The following CRTC1 variants were observed in gnomAD, a reference collection of about 807,000 sequenced individuals.
CRTC1 encodes CREB-regulated transcription coactivator 1.
Under a neutral mutation model 66.1 loss-of-function variants are expected in CRTC1, and 18 were observed. The observed-to-expected ratio is 0.27, with a 90% CI of 0.19 to 0.40. The LOEUF (loss-of-function observed/expected upper bound fraction) is 0.40. Ranked by LOEUF, CRTC1 falls within the 10% of genes least tolerant of loss-of-function variation. The pLI, the probability that CRTC1 is intolerant of heterozygous loss-of-function variation, is 1.00. For synonymous variants in CRTC1, 416 were observed against 398.8 expected (o/e 1.04, Z -0.51); for missense variants, 669 against 887.9 (o/e 0.75, Z 3.13).
rs1170014638 is a variant in CRTC1 at position 18,781,243 on chromosome 19, C to G, written c.*3861C>G. On this transcript the variant is annotated 3_prime_UTR_variant, in exon 14 of 14. Transcript: ENST00000321949. ...CAGGGCGTGCGGGCGCCAGAGCCTT[C>G]CCTACACAGCCTAAGAGCAGGGGCA... 2 of 227,618 alleles carry G rather than the reference C, an allele frequency of 8.8e-6. No individual in the cohort carries two copies. The highest frequency in any genetic ancestry group is 2.2e-5 in the African/African-American group (1 of 44,938). 14.1% of individuals were successfully genotyped at this position (227,618 alleles called of 1,614,324 possible).
At position 18,777,332 on chromosome 19, in the gene CRTC1, G is replaced by T; in HGVS notation, c.1855G>T (p.Val619Phe). 1 of 1,609,618 alleles carries T rather than the reference G, an allele frequency of 6.2e-7. No individual in the cohort carries two copies. The highest frequency in any genetic ancestry group is 8.5e-7 in the Non-Finnish European group (1 of 1,179,946). The change falls in exon 14 of 14, where the codon GTT (valine) becomes TTT (phenylalanine). Residue 619 changes from valine (V) to phenylalanine (F), a missense_variant. Coordinates refer to ENST00000321949, the MANE Select transcript of CRTC1 (RefSeq NM_015321.3). This position sits in a 1 kb window ranked among gnomAD's most constrained non-coding sequence, Gnocchi z 5.5. The stretch of plus-strand genomic sequence containing the variant: ...GCACATGCTCAACGACCCCGACATG[G>T]TTCTGGCCGACCCAGCCACCGAGGA... ...GLHMLNDPDMVLADPATEDTF... is the reference protein window; with the variant it reads ...GLHMLNDPDMFLADPATEDTF...
rs2054589469 is a variant in CRTC1 at position 18,760,491 on chromosome 19, C to T, written c.886+263C>T. ...GGTGTGTGATGGTGCTTTGGGGAGT[C>T]CAGGAGGGAAGCCCTGGGAGTTTTA... On this transcript the variant is annotated intron_variant, in intron 8 of 13. Coordinates refer to ENST00000321949, the MANE Select transcript of CRTC1 (RefSeq NM_015321.3). The surrounding 1 kb of genome is among the most constrained non-coding windows in gnomAD (Gnocchi z 6.2). Among the ~76,000 whole-genome samples, 1 of 152,004 alleles carries T rather than the reference C, an allele frequency of 6.6e-6. No homozygotes were observed. Among genetic ancestry groups the T allele is most frequent in the Non-Finnish European group, 1.5e-5 (1 of 67,958 alleles).
chr19:18,745,550 G>A (rs1024742097), intron 2 of CRTC1, among the ~76,000 whole-genome samples: 6 of 152,156 alleles, frequency 3.9e-5, no homozygotes, highest in Admixed American at 1.3e-4. Context: ...AGCTTGTGCC[G>A]CTCTGCCTGG....
At chr19:18,746,156 G>A (rs2054231199) in intron 3 of CRTC1, among the ~76,000 whole-genome samples, 196 bp downstream of exon 3, 1 of 152,166 alleles carries the variant, frequency 6.6e-6, no homozygotes, top group Non-Finnish European at 1.5e-5. Context: ...ACAAGCCCTG[G>A]AGCCTTTGGC....
chr19:18,693,993 A>G (rs866164669), intron 1 of CRTC1, among the ~76,000 whole-genome samples: 7 of 152,148 alleles, frequency 4.6e-5, no homozygotes, highest in Admixed American at 1.3e-4. Flanking sequence ...TTAGCTGGGC[A>G]TGGTGGCGGG....
chr19:18,760,318 C>A lies in CRTC1; in HGVS notation c.886+90C>A. On this transcript the variant is annotated intron_variant, in intron 8 of 13. Coordinates refer to ENST00000321949, the MANE Select transcript of CRTC1 (RefSeq NM_015321.3). The surrounding 1 kb of genome is among the most constrained non-coding windows in gnomAD (Gnocchi z 6.2). Reference sequence around the variant, plus strand: ...AGGATGACTTGGCAGAGTCCCGTTCCAAATACTAGGGCATGGGGGACAGGG... The same window carrying A: ...AGGATGACTTGGCAGAGTCCCGTTCAAAATACTAGGGCATGGGGGACAGGG... 2 of 1,125,884 alleles carry A rather than the reference C, an allele frequency of 1.8e-6. No individual in the cohort carries two copies. The highest frequency in any genetic ancestry group is 2.5e-6 in the Non-Finnish European group (2 of 784,706). The allele number at this position is 1,125,884 out of a possible 1,614,324, so 69.7% of individuals were successfully genotyped here.
rs1264313687 is a variant in CRTC1, at chr19:18,745,754, C to T, written c.244-69C>T. Reference sequence around the variant, plus strand: ...CCCTGCGATCAGACTCTGGGGCCAGCGCTGGGGCCACAGCTGGTAACCATT... The same window carrying T: ...CCCTGCGATCAGACTCTGGGGCCAGTGCTGGGGCCACAGCTGGTAACCATT... On this transcript the variant is annotated intron_variant, in intron 2 of 13. Coordinates refer to ENST00000321949, the MANE Select transcript of CRTC1 (RefSeq NM_015321.3). 8 of 1,595,868 alleles carry T rather than the reference C, an allele frequency of 5.0e-6. No homozygotes were observed. In the East Asian group the frequency reaches 6.7e-5, roughly 13 times the overall value.
At chr19:18,765,322 A>C in intron 8 of CRTC1, 82 bp from the exon 9 acceptor site, 1 of 1,526,550 alleles carries the variant, frequency 6.6e-7, no homozygotes, top group East Asian at 2.3e-5. Flanking sequence ...ATTCCCATGC[A>C]GTGTGACTGT....
chr19:18,762,545 C>T (rs1396359112), intron 8 of CRTC1, among the ~76,000 whole-genome samples: 1 of 152,238 alleles, frequency 6.6e-6, no homozygotes, highest in Non-Finnish European at 1.5e-5. Flanking sequence ...CCCCGCTTGG[C>T]TCCATCTACA....
At chr19:18,724,425 T>C (rs1311972060) in intron 1 of CRTC1, among the ~76,000 whole-genome samples, 1 of 152,018 alleles carries the variant, frequency 6.6e-6, no homozygotes, top group Non-Finnish European at 1.5e-5. Context: ...CTATTGGGAC[T>C]GGGGGGCCAT....
chr19:18,756,525 G>A (rs2054492565), intron 6 of CRTC1, among the ~76,000 whole-genome samples: 1 of 151,354 alleles, frequency 6.6e-6, no homozygotes, highest in Admixed American at 6.6e-5. Flanking sequence ...ATGTGTGTGT[G>A]CCTGCTACTT....
chr19:18,729,717 G>A (rs1241828417), intron 1 of CRTC1, among the ~76,000 whole-genome samples: 2 of 152,090 alleles, frequency 1.3e-5, no homozygotes, highest in Non-Finnish European at 2.9e-5. Context: ...CTCCAGTCTG[G>A]GTGACACAGC....
chr19:18,739,411 G>C (rs2054066023), intron 1 of CRTC1, among the ~76,000 whole-genome samples: 1 of 152,240 alleles, frequency 6.6e-6, no homozygotes, highest in Non-Finnish European at 1.5e-5. Context: ...GGCCTCCTGG[G>C]TTTTAATCTT....
chr19:18,691,912 C>T (rs1322886674), intron 1 of CRTC1, among the ~76,000 whole-genome samples: 3 of 152,058 alleles, frequency 2.0e-5, no homozygotes, highest in Non-Finnish European at 4.4e-5. Context: ...TGGGGTTCAT[C>T]CTATTGGCCA....
Position 18,777,557 on chromosome 19 carries a change from G to A in CRTC1, c.*175G>A, listed in dbSNP as rs543067335. The A allele has an allele frequency of 6.1e-4, 376 of 613,628 alleles. No individual in the cohort carries two copies. Among genetic ancestry groups the A allele is most frequent in the African/African-American group, 5.5e-3 (281 of 51,538 alleles). 38.0% of individuals were successfully genotyped at this position (613,628 alleles called of 1,614,324 possible). Reference sequence around the variant, plus strand: ...TCCACCTCCCGCGAAGCCCAATCGCGAGGCCGCGAGCCGGGCCGTCCACCC... The same window carrying A: ...TCCACCTCCCGCGAAGCCCAATCGCAAGGCCGCGAGCCGGGCCGTCCACCC... On this transcript the variant is annotated 3_prime_UTR_variant, in exon 14 of 14. Coordinates refer to ENST00000321949, the MANE Select transcript of CRTC1 (RefSeq NM_015321.3). The surrounding 1 kb of genome is among the most constrained non-coding windows in gnomAD (Gnocchi z 5.5).
Position 18,742,972 on chromosome 19 carries a change from G to A in CRTC1, c.189G>A (p.Gly63=). The A allele has an allele frequency of 1.2e-6, 2 of 1,613,420 alleles. No individual in the cohort carries two copies. The highest frequency in any genetic ancestry group is 1.7e-6 in the Non-Finnish European group (2 of 1,179,866). ...LGPSRGQYYG[G]SLPNVNQIGS... is the part of the protein sequence containing the mutation. Reference sequence around the variant, plus strand: ...CCAGCCGAGGCCAGTACTATGGCGGGTCCCTGCCCAACGTGAACCAGATCG... The same window carrying A: ...CCAGCCGAGGCCAGTACTATGGCGGATCCCTGCCCAACGTGAACCAGATCG... The change falls in exon 2 of 14, where the codon GGG becomes GGA. Residue 63 remains glycine (G), a synonymous_variant. Coordinates refer to ENST00000321949, the MANE Select transcript of CRTC1 (RefSeq NM_015321.3).
chr19:18,715,640 G>A (rs1298848136), intron 1 of CRTC1, among the ~76,000 whole-genome samples: 1 of 152,334 alleles, frequency 6.6e-6, no homozygotes, highest in Non-Finnish European at 1.5e-5. Flanking sequence ...CTGTGGCCCC[G>A]GGGACGGGCC....
chr19:18,756,194 G>A (rs1336299247), intron 6 of CRTC1, among the ~76,000 whole-genome samples: 3 of 152,050 alleles, frequency 2.0e-5, no homozygotes, highest in Non-Finnish European at 1.5e-5. Flanking sequence ...TTAGCCAGGT[G>A]TGGTGGCACT....
chr19:18,693,357 C>T (rs2052896547), intron 1 of CRTC1, among the ~76,000 whole-genome samples: 2 of 149,962 alleles, frequency 1.3e-5, no homozygotes, highest in East Asian at 2.0e-4. Context: ...CCACTGCACT[C>T]CAGCCTGGGT....
Sources: allele counts gnomAD v4.1 joint callset (sites outside exome capture counted in the v4.1 genomes callset), GRCh38; gene constraint gnomAD v4.1.1; non-coding constraint Gnocchi (gnomAD v3.1); transcripts MANE v1.5; gene names NCBI Gene and HGNC (gene_info 2026-07-23, HGNC 2026-07-21).